GABRG3: variants seen among roughly 807,000 people sequenced by gnomAD.
GABRG3 encodes gamma-aminobutyric acid type A receptor subunit gamma3.
Under a neutral mutation model 48.8 loss-of-function variants are expected in GABRG3, and 25 were observed. The observed-to-expected ratio is 0.51, with a 90% CI of 0.37 to 0.72. The LOEUF (loss-of-function observed/expected upper bound fraction) is 0.72. Among genes scored for constraint, GABRG3 ranks in the 30% least tolerant of loss-of-function variants. The pLI, the probability that GABRG3 is intolerant of heterozygous loss-of-function variation, is 0.00. For synonymous variants in GABRG3, 227 were observed against 217.6 expected (o/e 1.04, Z -0.38); for missense variants, 394 against 577.9 (o/e 0.68, Z 3.26).
chr15:27,388,016 GGAGGAGGGAGGGAGGAAAGGAAGGA>G (rs1896001068), intron 5 of GABRG3, among the ~76,000 whole-genome samples: 2 of 109,578 alleles, frequency 1.8e-5, no homozygotes, highest in East Asian at 3.0e-4. Flanking sequence ...GGAAGGAAAG[GGAGGAGGGAGGGAGGAAAGGAAGGA>G]AGGAAGGAAA....
chr15:27,156,821 C>G (rs987366104), intron 3 of GABRG3, among the ~76,000 whole-genome samples: 32 of 152,296 alleles, frequency 2.1e-4, no homozygotes, highest in Admixed American at 1.8e-3. Context: ...TTGGAACTTA[C>G]AGATAGAATT....
intron 3 of GABRG3, among the ~76,000 whole-genome samples, chr15:27,064,073 A>C (rs756118630): frequency 2.0e-5 from 3 of 152,190 alleles, no homozygotes; most frequent in Non-Finnish European, 4.4e-5. Context: ...CTCAAGATGC[A>C]AATGATCCCT....
At chr15:27,282,540 A>G (rs1441131865) in intron 3 of GABRG3, among the ~76,000 whole-genome samples, 2 of 152,108 alleles carry the variant, frequency 1.3e-5, no homozygotes, top group Non-Finnish European at 2.9e-5. Context: ...TGTCTTTTTC[A>G]GTTCTAACAT....
At chr15:27,247,434 T>C (rs1197415746) in intron 3 of GABRG3, among the ~76,000 whole-genome samples, 1 of 152,064 alleles carries the variant, frequency 6.6e-6, no homozygotes, top group East Asian at 1.9e-4. Context: ...CCTGACCTGG[T>C]GTGGCTGCAG....
At chr15:27,189,590 C>T (rs1888225365) in intron 3 of GABRG3, among the ~76,000 whole-genome samples, 1 of 152,114 alleles carries the variant, frequency 6.6e-6, no homozygotes, top group African/African-American at 2.4e-5. Context: ...TATCCTGAGA[C>T]TTTGCTGAAG....
At chr15:27,515,364 G>A (rs1305052509) in intron 6 of GABRG3, among the ~76,000 whole-genome samples, 1 of 152,092 alleles carries the variant, frequency 6.6e-6, no homozygotes, top group Non-Finnish European at 1.5e-5. Flanking sequence ...AAATTGCTGG[G>A]ATTACAGGTT....
Position 27,236,707 on chromosome 15 carries a change from T to G in GABRG3, c.271-90102T>G, listed in dbSNP as rs1223492007. Among the ~76,000 whole-genome samples, 3 of 152,188 alleles carry G rather than the reference T, an allele frequency of 2.0e-5. No homozygotes were observed. The highest frequency in any genetic ancestry group is 4.4e-5 in the Non-Finnish European group (3 of 68,036). ...CCTAGGGAGGATGCACAGTGAGGGTTTCTTGTCCTCTGCTTCACCGTTTGA... is the reference window on the plus strand; with the variant it reads ...CCTAGGGAGGATGCACAGTGAGGGTGTCTTGTCCTCTGCTTCACCGTTTGA... On this transcript the variant is annotated intron_variant, in intron 3 of 9. Transcript: ENST00000615808. The surrounding 1 kb of genome is among the most constrained non-coding windows in gnomAD (Gnocchi z 4.4).
chr15:27,409,294 T>C (rs1887729088), intron 5 of GABRG3, among the ~76,000 whole-genome samples: 1 of 152,182 alleles, frequency 6.6e-6, no homozygotes, highest in East Asian at 1.9e-4. Flanking sequence ...TAGATTAAGG[T>C]TTGGTGCGGG....
At chr15:27,063,384 G>A (rs1344971925) in intron 3 of GABRG3, among the ~76,000 whole-genome samples, 1 of 152,206 alleles carries the variant, frequency 6.6e-6, no homozygotes, top group Non-Finnish European at 1.5e-5. Flanking sequence ...TCTGAGGTGG[G>A]GCCTGGTGGG....
intron 3 of GABRG3, among the ~76,000 whole-genome samples, chr15:27,109,332 G>A (rs907857799): frequency 3.3e-5 from 5 of 152,132 alleles, no homozygotes; most frequent in African/African-American, 4.8e-5. Context: ...CACTATTAAT[G>A]CATTTTGTTA....
chr15:27,126,111 C>T (rs1322594170), intron 3 of GABRG3, among the ~76,000 whole-genome samples: 1 of 151,278 alleles, frequency 6.6e-6, no homozygotes, highest in East Asian at 1.9e-4. Context: ...ATCTCACGTG[C>T]TTACAGCAAC....
At position 27,303,451 on chromosome 15, in the gene GABRG3, T is replaced by G. The variant is rs28829398; in HGVS notation, c.271-23358T>G. On this transcript the variant is annotated intron_variant, in intron 3 of 9. Transcript: ENST00000615808. ...ATGACCATTAAAGTGATTGATTTCATAGTTTAAAAAAATGTTTTAAAAACC... is the reference window on the plus strand; with the variant it reads ...ATGACCATTAAAGTGATTGATTTCAGAGTTTAAAAAAATGTTTTAAAAACC... 2.1e-3 allele frequency among the ~76,000 whole-genome samples: 315 copies of G among 151,910 alleles called. 3 individuals are homozygous for G. The highest frequency in any genetic ancestry group is 7.3e-3 in the African/African-American group (302 of 41,512).
At chr15:27,528,130 T>C in intron 9 of GABRG3, 138 bp downstream of exon 9, 1 of 688,652 alleles carries the variant, frequency 1.5e-6, no homozygotes, top group Non-Finnish European at 2.5e-6. Context: ...CAAAAATGTG[T>C]TTAGTATTAG....
At chr15:27,243,083 T>C (rs1366147980) in intron 3 of GABRG3, among the ~76,000 whole-genome samples, 1 of 152,164 alleles carries the variant, frequency 6.6e-6, no homozygotes, top group African/African-American at 2.4e-5. Flanking sequence ...TGATCTCTGA[T>C]AGGAGTTACA....
intron 3 of GABRG3, among the ~76,000 whole-genome samples, chr15:27,136,764 A>T (rs1378878675): frequency 1.3e-5 from 2 of 152,054 alleles, no homozygotes; most frequent in African/African-American, 4.8e-5. Flanking sequence ...ATTCCTCCTC[A>T]TCCAACTCAA....
chr15:27,314,262 T>C (rs572094510), intron 3 of GABRG3, among the ~76,000 whole-genome samples: 6 of 152,306 alleles, frequency 3.9e-5, no homozygotes, highest in African/African-American at 1.4e-4. Context: ...GACTTGACTA[T>C]ACATGTCTCC....
chr15:27,369,731 C>T (rs545636579), intron 5 of GABRG3, among the ~76,000 whole-genome samples: 82 of 140,908 alleles, frequency 5.8e-4, no homozygotes, highest in African/African-American at 1.9e-3. Flanking sequence ...GGCGTGAACC[C>T]GGGAGGTGGA....
chr15:27,106,226 A>T (rs1455337674), intron 3 of GABRG3, among the ~76,000 whole-genome samples: 2 of 152,020 alleles, frequency 1.3e-5, no homozygotes, highest in African/African-American at 4.8e-5. Context: ...GAGATAATAA[A>T]ATTGTACTGT....
intron 5 of GABRG3, among the ~76,000 whole-genome samples, chr15:27,430,440 T>C (rs1888415405): frequency 6.6e-6 from 1 of 152,196 alleles, no homozygotes; most frequent in South Asian, 2.1e-4. Context: ...CTCTTGTTTT[T>C]GCTTTTGGTG....
Sources: allele counts gnomAD v4.1 joint callset (sites outside exome capture counted in the v4.1 genomes callset), GRCh38; gene constraint gnomAD v4.1.1; non-coding constraint Gnocchi (gnomAD v3.1); transcripts MANE v1.5; gene names NCBI Gene and HGNC (gene_info 2026-07-23, HGNC 2026-07-21).